Variants in BPIFB1 observed in about 807,000 individuals in gnomAD.
The protein encoded by BPIFB1 is BPI fold-containing family B member 1.
Under a neutral mutation model 55.1 loss-of-function variants are expected in BPIFB1, and 34 were observed. The observed-to-expected ratio is 0.62, with a 90% confidence interval of 0.47 to 0.82. BPIFB1 has a LOEUF of 0.82. Among genes scored for constraint, BPIFB1 ranks in the 40% least tolerant of loss-of-function variants. The pLI is 0.00. For missense variants in BPIFB1, 532 were observed against 593.1 expected (o/e 0.90, Z 1.07); for synonymous variants, 236 against 245.3 (o/e 0.96, Z 0.35).
chr20:33,289,450 T>C (rs1192101564), intron 3 of BPIFB1, among the ~76,000 whole-genome samples: 1 of 145,596 alleles, frequency 6.9e-6, no homozygotes, highest in Non-Finnish European at 1.5e-5. Context: ...AGGGAAGGGA[T>C]GAGGTGATGC....
intron 2 of BPIFB1, among the ~76,000 whole-genome samples, 184 bp from the exon 3 acceptor site, chr20:33,288,557 T>C (rs1042333920): frequency 6.6e-6 from 1 of 151,492 alleles, no homozygotes; most frequent in Admixed American, 6.6e-5. Context: ...GCTACTGTCC[T>C]CAAGGCTACA....
intron 14 of BPIFB1, 166 bp from the exon 15 acceptor site, chr20:33,306,745 C>G (rs1008936120): frequency 6.3e-6 from 4 of 636,648 alleles, no homozygotes; most frequent in Admixed American, 5.1e-5. Context: ...GGAGGGTAGA[C>G]GAGGCTGGGT....
At chr20:33,289,473 G>T (rs1387208207) in intron 3 of BPIFB1, among the ~76,000 whole-genome samples, 2 of 152,144 alleles carry the variant, frequency 1.3e-5, no homozygotes, top group Non-Finnish European at 2.9e-5. Context: ...CTCACTGGAG[G>T]TGACAGTGGA....
At position 33,309,712 on chromosome 20, in the gene BPIFB1, C is replaced by G. The variant is rs1295880702; in HGVS notation, c.1400C>G (p.Ala467Gly). 10 of 1,613,926 alleles carry G rather than the reference C, an allele frequency of 6.2e-6. No homozygotes were observed. Among genetic ancestry groups the G allele is most frequent in the Admixed American group, 5.0e-5 (3 of 60,002 alleles). ...ACTTTTCCCCTCCAATTCCAGGATG[C>G]CCTTGTGCTTACTCCAGCCTCCTTG... ...EAAESSLTKD[A>G]LVLTPASLWK... The change falls in exon 16 of 16, where the codon GCC becomes GGC. Residue 467 changes from alanine to glycine, a missense_variant. Transcript: ENST00000253354. This position sits in a 1 kb window ranked among gnomAD's most constrained non-coding sequence, Gnocchi z 4.4.
At position 33,302,996 on chromosome 20, in the gene BPIFB1, T is replaced by C. The variant is rs147404662; in HGVS notation, c.1062T>C (p.His354=). ...DTPEFFIDQG[H]AKVAQLIVLE... ...CCGAGTTTTTTATAGACCAAGGCCA[T>C]GCCAAGGTGGCCCAACTGATCGTGC... Residue 354 remains histidine, a synonymous_variant, in exon 11 of 16, where the codon CAT becomes CAC. Coordinates refer to ENST00000253354, the MANE Select transcript of BPIFB1 (RefSeq NM_033197.3). 3,004 of 1,614,128 alleles carry C rather than the reference T, an allele frequency of 1.9e-3. 4 individuals carry two copies. Among genetic ancestry groups the C allele is most frequent in the Non-Finnish European group, 2.3e-3 (2,758 of 1,179,992 alleles).
At chr20:33,290,865 G>C in intron 4 of BPIFB1, 92 bp from the exon 5 acceptor site, 2 of 1,383,426 alleles carry the variant, frequency 1.4e-6, no homozygotes. Flanking sequence ...ACTGAGGAAG[G>C]AGGTGAGGGC....
At chr20:33,290,578 G>T (rs779003612) in intron 4 of BPIFB1, among the ~76,000 whole-genome samples, 2 of 152,122 alleles carry the variant, frequency 1.3e-5, no homozygotes, top group African/African-American at 4.8e-5. Context: ...AGAAGTCAAC[G>T]ATGACTCCAA....
chr20:33,306,220 C>T (rs564181312), intron 14 of BPIFB1, among the ~76,000 whole-genome samples, 155 bp downstream of exon 14: 1 of 152,306 alleles, frequency 6.6e-6, no homozygotes, highest in East Asian at 1.9e-4. Context: ...CCTTCTCAGC[C>T]CAATTCCTTT....
intron 3 of BPIFB1, among the ~76,000 whole-genome samples, chr20:33,289,589 G>C (rs1490435513): frequency 6.6e-6 from 1 of 152,172 alleles, no homozygotes; most frequent in Non-Finnish European, 1.5e-5. Flanking sequence ...AGAATGGCTA[G>C]AGCTCAAACC....
At chr20:33,300,431 G>A (rs1158234525) in intron 8 of BPIFB1, among the ~76,000 whole-genome samples, 1 of 152,214 alleles carries the variant, frequency 6.6e-6, no homozygotes, top group Non-Finnish European at 1.5e-5. Context: ...AATGGCCACT[G>A]AGGAGAGGAT....
rs764737659 is a variant in BPIFB1 at position 33,299,937 on chromosome 20, C to T, written c.700C>T (p.Leu234Phe). ...CAGCATTGACCGTCTGGAGTTTGAC[C>T]TTCTGTATCCTGCCATCAAGGGTGA... Reference protein sequence around the residue: ...SLSIDRLEFDLLYPAIKGDTI... With the variant: ...SLSIDRLEFDFLYPAIKGDTI... Residue 234 changes from leucine to phenylalanine, a missense_variant, in exon 8 of 16, where the codon CTT (leucine) becomes TTT (phenylalanine). Transcript: ENST00000253354. 1 of 1,614,018 alleles carries T rather than the reference C, an allele frequency of 6.2e-7. No homozygotes were observed. The highest frequency in any genetic ancestry group is 1.7e-5 in the Admixed American group (1 of 60,016).
intron 12 of BPIFB1, 62 bp downstream of exon 12, chr20:33,304,087 G>A (rs1431131900): frequency 6.7e-7 from 1 of 1,500,370 alleles, no homozygotes; most frequent in Non-Finnish European, 9.1e-7. Context: ...TGGTAACCAT[G>A]GGTTTCTTTA....
At chr20:33,298,509 C>T (rs1260939658) in intron 7 of BPIFB1, among the ~76,000 whole-genome samples, 1 of 152,194 alleles carries the variant, frequency 6.6e-6, no homozygotes, top group East Asian at 1.9e-4. Flanking sequence ...ATGCACTGAG[C>T]GCCACAGGGC....
rs1028957774 is a variant in BPIFB1 at position 33,298,435 on chromosome 20, A to G, written c.661+847A>G. On this transcript the variant is annotated intron_variant, in intron 7 of 15. Coordinates refer to ENST00000253354, the MANE Select transcript of BPIFB1 (RefSeq NM_033197.3). ...GGCGGAGAAGAAGAAAAGTCTACCA[A>G]CTGCACTTTGGGATCAGAAGAGGCT... Among the ~76,000 whole-genome samples, 3 of 152,210 alleles carry G rather than the reference A, an allele frequency of 2.0e-5. No homozygotes were observed. In the East Asian group the frequency reaches 5.8e-4, roughly 29 times the overall value.
chr20:33,301,659 C>T lies in BPIFB1; in HGVS notation c.927+247C>T, dbSNP rs950764686. On this transcript the variant is annotated intron_variant, in intron 9 of 15. Coordinates refer to ENST00000253354, the MANE Select transcript of BPIFB1 (RefSeq NM_033197.3). ...AATGTTTCCTCTACCAAATAACAGT[C>T]TCGTGAAATCAAAAGGCATCTTAGA... 2.6e-5 allele frequency among the ~76,000 whole-genome samples: 4 copies of T among 152,318 alleles called. No homozygotes were observed. In the East Asian group the frequency reaches 7.7e-4, roughly 29 times the overall value.
At chr20:33,307,071 C>CA in intron 15 of BPIFB1, 84 bp downstream of exon 15, 1 of 1,253,704 alleles carries the variant, frequency 8.0e-7, no homozygotes, top group Non-Finnish European at 1.2e-6. Context: ...GCCTGCACTC[C>CA]AACCCCAGCC....
chr20:33,292,132 T>C (rs1980494614), intron 6 of BPIFB1, 144 bp downstream of exon 6: 1 of 775,036 alleles, frequency 1.3e-6, no homozygotes, highest in Admixed American at 2.3e-5. Flanking sequence ...TAGCAAAGAG[T>C]CATGGAGTGG....
At chr20:33,293,166 G>A (rs1374575859) in intron 6 of BPIFB1, among the ~76,000 whole-genome samples, 2 of 152,128 alleles carry the variant, frequency 1.3e-5, no homozygotes, top group Non-Finnish European at 2.9e-5. Flanking sequence ...CAGGTGATCC[G>A]CCTGCCTCAG....
At chr20:33,291,588 T>A (rs1038837296) in intron 5 of BPIFB1, among the ~76,000 whole-genome samples, 1 of 152,222 alleles carries the variant, frequency 6.6e-6, no homozygotes, top group Admixed American at 6.5e-5. Context: ...CTCAGAACAG[T>A]GCACGCGCAT....
Sources: gnomAD v4.1 joint callset for allele counts (sites outside exome capture counted in the v4.1 genomes callset) on GRCh38, gnomAD v4.1.1 for gene constraint, Gnocchi (gnomAD v3.1) non-coding constraint, MANE v1.5 for transcripts, NCBI Gene and HGNC (gene_info 2026-07-23, HGNC 2026-07-21) for gene names.